KATNB1: variants seen among roughly 807,000 people sequenced by gnomAD.
KATNB1 encodes katanin p80 WD40 repeat-containing subunit B1.
In KATNB1, 38 loss-of-function variants were observed where a neutral mutation model predicts 82.3. The observed-to-expected ratio is 0.46, with a 90% CI of 0.36 to 0.61. KATNB1 has a LOEUF of 0.61. KATNB1 is among the 20% of genes least tolerant of loss of function. The pLI is 0.00. For synonymous variants in KATNB1, 361 were observed against 368.7 expected (o/e 0.98, Z 0.24); for missense variants, 749 against 915.7 (o/e 0.82, Z 2.35).
chr16:57,743,642 C>G (rs1214914939), intron 3 of KATNB1, among the ~76,000 whole-genome samples: 1 of 152,188 alleles, frequency 6.6e-6, no homozygotes, highest in Non-Finnish European at 1.5e-5. Context: ...CTGTCAGGCC[C>G]CAGCCGGCCT....
chr16:57,749,576 T>C (rs549674955), intron 4 of KATNB1, among the ~76,000 whole-genome samples: 1 of 152,286 alleles, frequency 6.6e-6, no homozygotes, highest in African/African-American at 2.4e-5. Flanking sequence ...AAACTAAGAA[T>C]GGCTGGACTC....
At chr16:57,753,359 C>G (rs2148795336) in intron 11 of KATNB1, 30 bp from the exon 12 acceptor site, 1 of 1,599,356 alleles carries the variant, frequency 6.3e-7, no homozygotes, top group Non-Finnish European at 8.5e-7. Context: ...AGGGCACCTG[C>G]TTCCGTTGGG....
chr16:57,744,362 AG>A, intron 3 of KATNB1, 31 bp from the exon 4 acceptor site: 1 of 1,558,010 alleles, frequency 6.4e-7, no homozygotes. Flanking sequence ...TCTGTCCAGC[AG>A]TGCACGGAAG....
chr16:57,749,098 C>T (rs970092987), intron 4 of KATNB1, among the ~76,000 whole-genome samples: 4 of 152,336 alleles, frequency 2.6e-5, no homozygotes, highest in African/African-American at 4.8e-5. Context: ...CCAGCTCCAG[C>T]GCCAGACAGG....
At position 57,751,743 on chromosome 16, in the gene KATNB1, TG is replaced by T; in HGVS notation, c.516+22del. 1 of 1,606,350 alleles carries T rather than the reference TG, an allele frequency of 6.2e-7. No individual in the cohort carries two copies. ...CGTGAAGGTAGCTCCCGGCCTGACC[TG>T]GGCCCAGGGGCTGGGGGCTGGGGTC... is the stretch of plus-strand genomic sequence containing the variant. On this transcript the variant is annotated intron_variant, in intron 7 of 19. Transcript: ENST00000379661. This position sits in a 1 kb window ranked among gnomAD's most constrained non-coding sequence, Gnocchi z 6.3.
At chr16:57,756,565 C>A in intron 19 of KATNB1, 93 bp downstream of exon 19, 2 of 1,286,450 alleles carry the variant, frequency 1.6e-6, no homozygotes, top group Non-Finnish European at 2.2e-6. Context: ...GACAGTCCTG[C>A]TGGGACAGAG....
chr16:57,751,039 C>A lies in KATNB1; in HGVS notation c.390+112C>A. ...AGGGGACCTCTTCCCTTTCTGCAGC[C>A]ACATCCACACCATCCTAGGGAAAGC... On this transcript the variant is annotated intron_variant, in intron 5 of 19. Coordinates refer to ENST00000379661, the MANE Select transcript of KATNB1 (RefSeq NM_005886.3). The surrounding 1 kb of genome is among the most constrained non-coding windows in gnomAD (Gnocchi z 6.3). 2.2e-6 allele frequency: 2 copies of A among 920,492 alleles called. No individual in the cohort carries two copies. Among genetic ancestry groups the A allele is most frequent in the Admixed American group, 1.9e-5 (1 of 52,168 alleles). 57.0% of individuals were successfully genotyped at this position (920,492 alleles called of 1,614,324 possible).
chr16:57,747,548 A>G (rs1039619988), intron 4 of KATNB1, among the ~76,000 whole-genome samples: 2 of 152,252 alleles, frequency 1.3e-5, no homozygotes, highest in African/African-American at 4.8e-5. Context: ...GACCTCTTTG[A>G]TAACAAACAG....
Position 57,755,992 on chromosome 16 carries a change from C to T in KATNB1, c.1644C>T (p.Ala548=). ...VDLLNIVNQK[A]SLWKLDLCTT... ...GGCAGCATGTCCTGGCCTCTCCTAG[C>T]TCCCTGTGGAAGCTGGACCTGTGCA... The change falls in exon 18 of 20, where the codon GCC becomes GCT. Residue 548 remains alanine (A), a splice_region_variant and synonymous_variant. Transcript: ENST00000379661. The T allele has an allele frequency of 6.2e-7, 1 of 1,613,386 alleles. No homozygotes were observed. The highest frequency in any genetic ancestry group is 8.5e-7 in the Non-Finnish European group (1 of 1,179,992).
intron 2 of KATNB1, among the ~76,000 whole-genome samples, chr16:57,741,246 T>C (rs2049139435): frequency 6.6e-6 from 1 of 152,224 alleles, no homozygotes; most frequent in Non-Finnish European, 1.5e-5. Flanking sequence ...GTGTAGGCAG[T>C]GCATGGGTCA....
rs375766752 is a variant in KATNB1 at position 57,755,102 on chromosome 16, G to T, written c.1297-17G>T. On this transcript the variant is annotated splice_polypyrimidine_tract_variant and intron_variant, in intron 14 of 19. Coordinates refer to ENST00000379661, the MANE Select transcript of KATNB1 (RefSeq NM_005886.3). Reference sequence around the variant, plus strand: ...GGGAGGCCCCAGGCCGGCAACCGCTGAGTTTCACACTTTCAGCTGGAGGTC... The same window carrying T: ...GGGAGGCCCCAGGCCGGCAACCGCTTAGTTTCACACTTTCAGCTGGAGGTC... 1 of 1,612,880 alleles carries T rather than the reference G, an allele frequency of 6.2e-7. No homozygotes were observed. The highest frequency in any genetic ancestry group is 8.5e-7 in the Non-Finnish European group (1 of 1,179,864).
intron 2 of KATNB1, among the ~76,000 whole-genome samples, chr16:57,739,553 G>A (rs1567895757): frequency 1.3e-5 from 2 of 152,296 alleles, no homozygotes; most frequent in Admixed American, 6.5e-5. Context: ...GGCCTGGGCT[G>A]TTGGTTGCTG....
chr16:57,753,806 CT>C, intron 12 of KATNB1, 138 bp from the exon 13 acceptor site: 1 of 828,828 alleles, frequency 1.2e-6, no homozygotes, highest in Non-Finnish European at 1.9e-6. Context: ...CTGAGGGTTC[CT>C]GGGACCAGGA....
chr16:57,751,594 G>T lies in KATNB1; in HGVS notation c.433-47G>T, dbSNP rs201529851. 7.7e-6 allele frequency: 12 copies of T among 1,563,828 alleles called. No homozygotes were observed. The Admixed American group carries it at 1.2e-4, about 15-fold the overall frequency. ...GGAGTGAGGAGGCAGGGAGAGGTCT[G>T]TTGGGCCCAGGATCCCAGGGTGAGC... On this transcript the variant is annotated intron_variant, in intron 6 of 19. Coordinates refer to ENST00000379661, the MANE Select transcript of KATNB1 (RefSeq NM_005886.3). This position sits in a 1 kb window ranked among gnomAD's most constrained non-coding sequence, Gnocchi z 6.3.
chr16:57,750,916 A>G lies in KATNB1; in HGVS notation c.379A>G (p.Thr127Ala), dbSNP rs2148794034. ...GEFVASGSQD[T>A]NIKLWDIRRK... ...GTTTGTAGCCTCTGGTTCCCAGGAC[A>G]CAAACATCAAGGTGAGAGGCCGGTC... Residue 127 changes from threonine to alanine, a missense_variant, in exon 5 of 20, where the codon ACA becomes GCA. Physicochemically the swap from Thr to Ala is moderately conservative, Grantham distance 58 (BLOSUM62 0). This residue lies in a region of KATNB1 where 247 missense variants were observed against 349.4 expected (regional missense o/e 0.71). Coordinates refer to ENST00000379661, the MANE Select transcript of KATNB1 (RefSeq NM_005886.3). 1.2e-6 allele frequency: 2 copies of G among 1,613,788 alleles called. No individual in the cohort carries two copies.
At chr16:57,749,990 G>A (rs543699248) in intron 4 of KATNB1, among the ~76,000 whole-genome samples, 23 of 152,302 alleles carry the variant, frequency 1.5e-4, no homozygotes, top group Admixed American at 1.3e-3. Flanking sequence ...GCCCTTCTTA[G>A]GGCCTTTGCC....
chr16:57,736,690 G>T (rs1249998840), intron 1 of KATNB1: 1 of 253,882 alleles, frequency 3.9e-6, no homozygotes, highest in Admixed American at 4.7e-5. Flanking sequence ...CAGACACGTG[G>T]TCTTCTCCGC....
At chr16:57,740,710 G>T (rs1388561365) in intron 2 of KATNB1, among the ~76,000 whole-genome samples, 1 of 152,176 alleles carries the variant, frequency 6.6e-6, no homozygotes, top group Non-Finnish European at 1.5e-5. Flanking sequence ...GTCCTCCGAG[G>T]CTCCTGTCTG....
Position 57,751,443 on chromosome 16 carries a change from G to A in KATNB1, c.432+141G>A. 9.8e-7 allele frequency: 1 copy of A among 1,021,100 alleles called. No homozygotes were observed. Among genetic ancestry groups the A allele is most frequent in the Non-Finnish European group, 1.5e-6 (1 of 662,056 alleles). The allele number at this position is 1,021,100 out of a possible 1,614,324, so 63.3% of individuals were successfully genotyped here. A position where few individuals can be genotyped will look rare whatever the true frequency, so the allele number is the denominator to read the frequency against. On this transcript the variant is annotated intron_variant, in intron 6 of 19. Transcript: ENST00000379661. This position sits in a 1 kb window ranked among gnomAD's most constrained non-coding sequence, Gnocchi z 6.3. ...TAAAACATAGACCTGGAGCTGAGCA[G>A]GAGCGCCATGGGCGGCCCACCTGGA...
Sources: allele counts gnomAD v4.1 joint callset (sites outside exome capture counted in the v4.1 genomes callset), GRCh38; gene constraint gnomAD v4.1.1; regional missense constraint gnomAD v4.1.1; non-coding constraint Gnocchi (gnomAD v3.1); transcripts MANE v1.5; gene names NCBI Gene and HGNC (gene_info 2026-07-23, HGNC 2026-07-21).